The following ATL1 variants were observed in gnomAD, a reference collection of about 807,000 sequenced individuals.
The protein encoded by ATL1 is atlastin GTPase 1, also known as atlastin-1.
Under a neutral mutation model 75.5 loss-of-function variants are expected in ATL1, and 31 were observed. The observed-to-expected ratio is 0.41, with a 90% CI of 0.31 to 0.55. The LOEUF is 0.55. ATL1 is among the 20% of genes least tolerant of loss of function. ATL1 has a pLI of 0.27. For synonymous variants in ATL1, 226 were observed against 233.3 expected (o/e 0.97, Z 0.28); for missense variants, 405 against 662.6 (o/e 0.61, Z 4.27).
At chr14:50,618,318 G>A (rs184900254) in intron 8 of ATL1, among the ~76,000 whole-genome samples, 5 of 152,264 alleles carry the variant, frequency 3.3e-5, no homozygotes, top group East Asian at 1.9e-4. Context: ...AAACAGGAAC[G>A]TGGTAACATA....
In ATL1 at chr14:50,621,911, T is replaced by C. The variant is rs375882898; in HGVS notation, c.1047+12T>C. The C allele has an allele frequency of 2.2e-5, 34 of 1,574,438 alleles. No homozygotes were observed. The highest frequency in any genetic ancestry group is 2.7e-5 in the Non-Finnish European group (31 of 1,144,990). On this transcript the variant is annotated intron_variant, in intron 10 of 13. Transcript: ENST00000358385. ...AATCCATGTTACAGGTATTTATTAATGAGGAGGCATGTTTTAAGACACGTG... is the reference window on the plus strand; with the variant it reads ...AATCCATGTTACAGGTATTTATTAACGAGGAGGCATGTTTTAAGACACGTG...
Position 50,628,080 on chromosome 14 carries a change from A to G in ATL1, c.1169A>G (p.Lys390Arg). The change falls in exon 12 of 14, where the codon AAA becomes AGA. Residue 390 changes from lysine (K) to arginine (R), a missense_variant. Physicochemically the swap from Lys to Arg is conservative, Grantham distance 26. Coordinates refer to ENST00000358385, the MANE Select transcript of ATL1 (RefSeq NM_015915.5). ...CTGGCCCCAAATGACTTGCAGACCA[A>G]ACACCTGCAACTTAAGGAAGAATCT... ...PFLAPNDLQT[K>R]HLQLKEESVK... 6.2e-7 allele frequency: 1 copy of G among 1,614,198 alleles called. No homozygotes were observed. Among genetic ancestry groups the G allele is most frequent in the Non-Finnish European group, 8.5e-7 (1 of 1,180,024 alleles).
chr14:50,581,095 T>A lies in ATL1; in HGVS notation c.35-6736T>A, dbSNP rs2039051152. ...TTTCTCTTATTTTCTTTGATCAGTC[T>A]TATATTATTAAGTTAATCTCACTGA... On this transcript the variant is annotated intron_variant, in intron 1 of 13. Coordinates refer to ENST00000358385, the MANE Select transcript of ATL1 (RefSeq NM_015915.5). Among the ~76,000 whole-genome samples, 4 of 152,052 alleles carry A rather than the reference T, an allele frequency of 2.6e-5. 1 individual carries two copies. The South Asian group carries it at 8.3e-4, about 32-fold the overall frequency.
At chr14:50,588,944 T>G (rs1873295595) in intron 2 of ATL1, among the ~76,000 whole-genome samples, 1 of 152,128 alleles carries the variant, frequency 6.6e-6, no homozygotes, top group Non-Finnish European at 1.5e-5. Flanking sequence ...AAATTTCAAT[T>G]TCTACCTCAA....
rs529734512 is a variant in ATL1, at chr14:50,616,452, C to T, written c.862+1941C>T. 1.0e-3 allele frequency among the ~76,000 whole-genome samples: 147 copies of T among 144,936 alleles called. 1 individual carries two copies. Among genetic ancestry groups the T allele is most frequent in the African/African-American group, 3.6e-3 (141 of 39,708 alleles). ...GGACTACAGGAGTGTGCCACCATGC[C>T]CGGTTATTTATTTATTTATTTATTT... is the stretch of plus-strand genomic sequence containing the variant. On this transcript the variant is annotated intron_variant, in intron 8 of 13. Coordinates refer to ENST00000358385, the MANE Select transcript of ATL1 (RefSeq NM_015915.5).
intron 1 of ATL1, among the ~76,000 whole-genome samples, chr14:50,535,073 A>G (rs971667305): frequency 1.3e-5 from 2 of 152,238 alleles, no homozygotes; most frequent in Middle Eastern, 3.2e-3. Context: ...TTCCAACCTA[A>G]TTGTCATGCA....
intron 6 of ATL1, among the ~76,000 whole-genome samples, chr14:50,610,554 C>T (rs1356640349): frequency 1.3e-5 from 2 of 152,006 alleles, no homozygotes; most frequent in Non-Finnish European, 2.9e-5. Context: ...GAGAAGTTGA[C>T]AGTGAAAGGA....
intron 1 of ATL1, among the ~76,000 whole-genome samples, chr14:50,536,640 A>T (rs1319161894): frequency 6.6e-6 from 1 of 152,202 alleles, no homozygotes; most frequent in Non-Finnish European, 1.5e-5. Context: ...GCTAATAGTG[A>T]TATAACAATA....
chr14:50,588,039 A>G lies in ATL1; in HGVS notation c.243A>G (p.Ser81=). 1 of 1,614,202 alleles carries G rather than the reference A, an allele frequency of 6.2e-7. No individual in the cohort carries two copies. The highest frequency in any genetic ancestry group is 2.2e-5 in the East Asian group (1 of 44,888). ...SVAGAFRKGK[S]FLMDFMLRYM... ...CTGGAGCATTTAGAAAAGGAAAATC[A>G]TTCCTGATGGACTTCATGTTGAGAT... The change falls in exon 2 of 14, where the codon TCA becomes TCG. Residue 81 remains serine, a synonymous_variant. Coordinates refer to ENST00000358385, the MANE Select transcript of ATL1 (RefSeq NM_015915.5).
chr14:50,617,801 G>A (rs1359663954), intron 8 of ATL1, among the ~76,000 whole-genome samples: 5 of 152,142 alleles, frequency 3.3e-5, no homozygotes, highest in Non-Finnish European at 5.9e-5. Context: ...TCGGCAAATC[G>A]ATTTGAACTG....
At chr14:50,566,466 G>T (rs2038905140) in intron 1 of ATL1, among the ~76,000 whole-genome samples, 1 of 152,122 alleles carries the variant, frequency 6.6e-6, no homozygotes, top group Non-Finnish European at 1.5e-5. Flanking sequence ...GGAATCTAGA[G>T]TGTGCATTTT....
chr14:50,597,772 GCAAGCT>G (rs2039234626), intron 6 of ATL1, among the ~76,000 whole-genome samples: 3 of 152,064 alleles, frequency 2.0e-5, no homozygotes, highest in Non-Finnish European at 1.5e-5. Context: ...TCGGCTCACT[GCAAGCT>G]CCACCTCTGG....
intron 11 of ATL1, 91 bp downstream of exon 11, chr14:50,623,339 A>G (rs1166662781): frequency 2.5e-5 from 25 of 1,004,588 alleles, no homozygotes; most frequent in Non-Finnish European, 2.3e-5. Context: ...TACACTGTAC[A>G]CACATGCAAT....
In ATL1 at chr14:50,568,976, C is replaced by T. The variant is rs183749429; in HGVS notation, c.34+8677C>T. Among the ~76,000 whole-genome samples the T allele has an allele frequency of 2.0e-5, 3 of 152,148 alleles. No individual in the cohort carries two copies. In the East Asian group the frequency reaches 5.8e-4, roughly 29 times the overall value. On this transcript the variant is annotated intron_variant, in intron 1 of 13. Transcript: ENST00000358385. ...CTTCTCCTTTACATGTCCATCCTCACCCCTTTCAGTTATTGGTATCATAAA... is the reference window on the plus strand; with the variant it reads ...CTTCTCCTTTACATGTCCATCCTCATCCCTTTCAGTTATTGGTATCATAAA...
intron 6 of ATL1, among the ~76,000 whole-genome samples, chr14:50,596,882 G>A (rs2039222594): frequency 6.6e-6 from 1 of 152,048 alleles, no homozygotes; most frequent in Admixed American, 6.6e-5. Context: ...TAGAGAAGAA[G>A]AAAGGCAGAA....
intron 6 of ATL1, among the ~76,000 whole-genome samples, chr14:50,603,992 C>G (rs2039294515): frequency 6.6e-6 from 1 of 152,146 alleles, no homozygotes; most frequent in South Asian, 2.1e-4. Context: ...CTGAAATGTC[C>G]AGAAGAGCAA....
intron 1 of ATL1, among the ~76,000 whole-genome samples, chr14:50,564,705 T>C (rs1277125166): frequency 7.1e-6 from 1 of 141,432 alleles, no homozygotes; most frequent in Admixed American, 7.0e-5. Flanking sequence ...AGAACGATAG[T>C]ATTCGCAGCA....
At chr14:50,591,908 G>A in intron 4 of ATL1, 1 of 385,436 alleles carries the variant, frequency 2.6e-6, no homozygotes. Flanking sequence ...GTTGTTTAAA[G>A]CCTACAATAA....
At chr14:50,600,016 G>T (rs981782405) in intron 6 of ATL1, among the ~76,000 whole-genome samples, 1 of 150,482 alleles carries the variant, frequency 6.6e-6, no homozygotes, top group African/African-American at 2.4e-5. Context: ...TAGGTTGATC[G>T]TTGAAGTGCT....
Sources: allele counts gnomAD v4.1 joint callset (sites outside exome capture counted in the v4.1 genomes callset), GRCh38; gene constraint gnomAD v4.1.1; transcripts MANE v1.5; gene names NCBI Gene and HGNC (gene_info 2026-07-23, HGNC 2026-07-21).